The following PPP3CA variants were observed in gnomAD, a reference collection of about 807,000 sequenced individuals.
The protein encoded by PPP3CA is CAM-PRP catalytic subunit.
In PPP3CA, 14 loss-of-function variants were observed where a neutral mutation model predicts 66.5. The observed-to-expected ratio is 0.21, with a 90% CI of 0.14 to 0.33. The LOEUF (loss-of-function observed/expected upper bound fraction) is 0.33, where lower values mean the gene tolerates loss of function less well. Ranked by LOEUF, PPP3CA falls within the 10% of genes least tolerant of loss-of-function variation. The pLI, the probability that PPP3CA is intolerant of heterozygous loss-of-function variation, is 1.00. For synonymous variants in PPP3CA, 232 were observed against 226.2 expected, an observed-to-expected ratio of 1.03 and a Z score of -0.23; for missense variants, 317 against 639.5, an observed-to-expected ratio of 0.50 and a Z score of 5.44.
chr4:101,174,240 T>C (rs954851955), intron 2 of PPP3CA, among the ~76,000 whole-genome samples: 4 of 152,176 alleles, frequency 2.6e-5, no homozygotes, highest in Non-Finnish European at 5.9e-5. Flanking sequence ...ATCAATAAGA[T>C]TGTCTCCTTC....
At chr4:101,319,744 T>C (rs1012070950) in intron 1 of PPP3CA, among the ~76,000 whole-genome samples, 26 of 152,142 alleles carry the variant, frequency 1.7e-4, no homozygotes, top group African/African-American at 5.8e-4. Flanking sequence ...TATCAATTGA[T>C]GAAAACTGTT....
At chr4:101,038,156 T>C (rs1196674229) in intron 11 of PPP3CA, among the ~76,000 whole-genome samples, 1 of 152,126 alleles carries the variant, frequency 6.6e-6, no homozygotes, top group African/African-American at 2.4e-5. Context: ...TTGATAGTGC[T>C]CTTAGGATTG....
At position 101,237,196 on chromosome 4, in the gene PPP3CA, G is replaced by C. The variant is rs544246977; in HGVS notation, c.59-41080C>G. Among the ~76,000 whole-genome samples the C allele has an allele frequency of 2.7e-4, 32 of 119,106 alleles. No individual in the cohort carries two copies. In the East Asian group the frequency reaches 6.2e-3, roughly 23 times the overall value. The allele number at this position is 119,106 out of a possible 152,430, so 78.1% of individuals were successfully genotyped here. A position where few individuals can be genotyped will look rare whatever the true frequency, so the allele number is the denominator to read the frequency against. On this transcript the variant is annotated intron_variant, in intron 1 of 13. Transcript: ENST00000394854. The stretch of plus-strand genomic sequence containing the variant: ...TTATTTAGAAAATACAATTTCTCCT[G>C]CAACGTCAAAGTTCAGCAGAAAATA...
At chr4:101,044,959 C>A (rs1157974025) in intron 10 of PPP3CA, among the ~76,000 whole-genome samples, 1 of 152,194 alleles carries the variant, frequency 6.6e-6, no homozygotes, top group Non-Finnish European at 1.5e-5. Context: ...ATAGTGGGGG[C>A]AAGTGCTTGG....
intron 9 of PPP3CA, 141 bp downstream of exon 9, chr4:101,063,091 C>T: frequency 9.7e-7 from 1 of 1,032,970 alleles, no homozygotes; most frequent in Non-Finnish European, 1.4e-6. Context: ...GACACACTGC[C>T]ACTTCCAAAT....
chr4:101,039,301 G>T lies in PPP3CA; in HGVS notation c.1241+1181C>A, dbSNP rs191863915. 2.5e-4 allele frequency among the ~76,000 whole-genome samples: 36 copies of T among 145,168 alleles called. 2 individuals are homozygous for T. The highest frequency in any genetic ancestry group is 4.6e-4 in the Non-Finnish European group (30 of 64,638). ...GTTTTTTGTTGACCACACACTAAAA[G>T]AAGTTCTTTATCTCCCACTTGCTCC... is the stretch of plus-strand genomic sequence containing the variant. On this transcript the variant is annotated intron_variant, in intron 11 of 13. Transcript: ENST00000394854.
rs573718492 is a variant in PPP3CA, at chr4:101,340,391, T to G, written c.58+6348A>C. ...TCCAAAAACATAGCATTTTAATAAT[T>G]TATTGCCACTTTGTCAGTGAGGGCT... On this transcript the variant is annotated intron_variant, in intron 1 of 13. Transcript: ENST00000394854. Among the ~76,000 whole-genome samples the G allele has an allele frequency of 4.6e-5, 7 of 152,294 alleles. No individual in the cohort carries two copies. The South Asian group carries it at 1.5e-3, about 32-fold the overall frequency.
intron 1 of PPP3CA, among the ~76,000 whole-genome samples, chr4:101,344,557 T>G (rs368485249): frequency 6.6e-6 from 1 of 152,164 alleles, no homozygotes; most frequent in Non-Finnish European, 1.5e-5. Flanking sequence ...GAGTCTACTA[T>G]CCACATAGTA....
At chr4:101,204,607 G>T (rs181017904) in intron 1 of PPP3CA, among the ~76,000 whole-genome samples, 3 of 140,694 alleles carry the variant, frequency 2.1e-5, no homozygotes, top group Non-Finnish European at 4.5e-5. Context: ...CTGCACTCCA[G>T]CTTGGGCGAC....
chr4:101,182,666 G>A (rs912332955), intron 2 of PPP3CA, among the ~76,000 whole-genome samples: 3 of 152,152 alleles, frequency 2.0e-5, no homozygotes, highest in Non-Finnish European at 4.4e-5. Flanking sequence ...GTAACAATCT[G>A]CAGGAAAGGC....
intron 11 of PPP3CA, 41 bp downstream of exon 11, chr4:101,040,441 T>G: frequency 7.1e-7 from 1 of 1,402,676 alleles, no homozygotes; most frequent in East Asian, 2.4e-5. Context: ...AGGTGACACA[T>G]AATACAATTT....
At chr4:101,281,725 G>C (rs1299820894) in intron 1 of PPP3CA, among the ~76,000 whole-genome samples, 1 of 152,118 alleles carries the variant, frequency 6.6e-6, no homozygotes, top group Non-Finnish European at 1.5e-5. Flanking sequence ...ATAAGAAAGT[G>C]GTTAAACAGC....
Position 101,347,182 on chromosome 4 carries a change from G to GAGCC in PPP3CA, c.-390_-387dup. Reference sequence around the variant, plus strand: ...CACGGAGACCCAGCACCGCGGAATGGAGCCCCACGCGCGCACACACGGCCA... The same window carrying GAGCC: ...CACGGAGACCCAGCACCGCGGAATGGAGCCAGCCCCACGCGCGCACACACGGCCA... On this transcript the variant is annotated 5_prime_UTR_variant, in exon 1 of 14. Transcript: ENST00000394854. 2.8e-6 allele frequency: 1 copy of GAGCC among 363,124 alleles called. No homozygotes were observed. The allele number at this position is 363,124 out of a possible 1,614,324, so 22.5% of individuals were successfully genotyped here. A position where few individuals can be genotyped will look rare whatever the true frequency, so the allele number is the denominator to read the frequency against.
At chr4:101,206,227 C>T (rs1560658198) in intron 1 of PPP3CA, among the ~76,000 whole-genome samples, 2 of 152,214 alleles carry the variant, frequency 1.3e-5, no homozygotes, top group Non-Finnish European at 1.5e-5. Flanking sequence ...CTAATGTTCA[C>T]TCCCCAAATC....
At position 101,347,243 on chromosome 4, in the gene PPP3CA, G is replaced by A. The variant is rs1243944451; in HGVS notation, c.-447C>T. ...CGATCACATGGGGAAGGCCGGGGGC[G>A]AGGGAGGAGAGGCAGGGCCGCCGAT... is the stretch of plus-strand genomic sequence containing the variant. On this transcript the variant is annotated 5_prime_UTR_variant, in exon 1 of 14. Coordinates refer to ENST00000394854, the MANE Select transcript of PPP3CA (RefSeq NM_000944.5). The A allele has an allele frequency of 4.5e-6, 1 of 220,358 alleles. No individual in the cohort carries two copies. Among genetic ancestry groups the A allele is most frequent in the Non-Finnish European group, 8.9e-6 (1 of 112,052 alleles). The allele number at this position is 220,358 out of a possible 1,614,324, so 13.7% of individuals were successfully genotyped here.
chr4:101,151,579 T>C (rs1484522783), intron 2 of PPP3CA, among the ~76,000 whole-genome samples: 3 of 149,868 alleles, frequency 2.0e-5, no homozygotes, highest in African/African-American at 7.4e-5. Flanking sequence ...AAAAGAAATG[T>C]TTACTCTCAT....
chr4:101,255,971 C>G (rs1448784147), intron 1 of PPP3CA, among the ~76,000 whole-genome samples: 1 of 151,836 alleles, frequency 6.6e-6, no homozygotes, highest in African/African-American at 2.4e-5. Flanking sequence ...AATTTTAAAT[C>G]ATTTTCCTCT....
chr4:101,189,591 T>C (rs986880746), intron 2 of PPP3CA, among the ~76,000 whole-genome samples: 3 of 151,090 alleles, frequency 2.0e-5, no homozygotes, highest in Non-Finnish European at 4.4e-5. Context: ...AGCTTTAGTT[T>C]CCTCATTTGT....
intron 1 of PPP3CA, among the ~76,000 whole-genome samples, chr4:101,204,576 T>C (rs1181889111): frequency 6.9e-6 from 1 of 144,928 alleles, no homozygotes; most frequent in Non-Finnish European, 1.5e-5. Flanking sequence ...GCGGAGCATG[T>C]AGTGAGCCCA....
Sources: allele counts gnomAD v4.1 joint callset (sites outside exome capture counted in the v4.1 genomes callset), GRCh38; gene constraint gnomAD v4.1.1; transcripts MANE v1.5; gene names NCBI Gene and HGNC (gene_info 2026-07-23, HGNC 2026-07-21).